NKAIN2: variants seen among roughly 807,000 people sequenced by gnomAD.
NKAIN2 encodes sodium/potassium-transporting ATPase subunit beta-1-interacting protein 2.
A neutral mutation model predicts 32.6 loss-of-function variants in NKAIN2; 14 were observed. The observed-to-expected ratio is 0.43, with a 90% CI of 0.28 to 0.67. NKAIN2 has a LOEUF of 0.67. NKAIN2 is among the 30% of genes least tolerant of loss of function. The probability of loss-of-function intolerance (pLI) is 0.17; values close to 1 mark genes in which losing one functional copy is unlikely to be tolerated. For missense variants in NKAIN2, 198 were observed against 258.3 expected (o/e 0.77, Z 1.60); for synonymous variants, 80 against 87.2 (o/e 0.92, Z 0.46).
At chr6:123,896,589 G>A (rs1208788888) in intron 1 of NKAIN2, among the ~76,000 whole-genome samples, 1 of 152,194 alleles carries the variant, frequency 6.6e-6, no homozygotes, top group African/African-American at 2.4e-5. Context: ...CAAGTTATAA[G>A]TTAAGGAAAT....
chr6:124,208,264 G>C (rs923669809), intron 1 of NKAIN2, among the ~76,000 whole-genome samples: 3 of 151,678 alleles, frequency 2.0e-5, no homozygotes, highest in African/African-American at 7.3e-5. Flanking sequence ...TAGTTGTGTG[G>C]GTCCAAGATT....
intron 2 of NKAIN2, among the ~76,000 whole-genome samples, chr6:124,327,564 C>G (rs1419536711): frequency 2.0e-5 from 3 of 152,082 alleles, no homozygotes; most frequent in African/African-American, 4.8e-5. Flanking sequence ...AGTCTTGTGT[C>G]TATTTACTCA....
intron 4 of NKAIN2, among the ~76,000 whole-genome samples, chr6:124,767,604 C>T (rs1264405034): frequency 1.3e-5 from 2 of 152,240 alleles, no homozygotes; most frequent in African/African-American, 4.8e-5. Flanking sequence ...TCTCCCTGGA[C>T]ATTTTGGGAC....
chr6:124,359,557 G>A (rs895939937), intron 3 of NKAIN2, among the ~76,000 whole-genome samples: 2 of 152,130 alleles, frequency 1.3e-5, no homozygotes, highest in East Asian at 1.9e-4. Flanking sequence ...GTTCACTCAT[G>A]ATTTGGCTCT....
chr6:124,267,991 T>C (rs1042712046), intron 1 of NKAIN2, among the ~76,000 whole-genome samples: 6 of 152,238 alleles, frequency 3.9e-5, no homozygotes, highest in Admixed American at 2.6e-4. Flanking sequence ...ATGTTATGCC[T>C]TTATGTAGTC....
At chr6:124,268,088 T>G (rs1289015119) in intron 1 of NKAIN2, among the ~76,000 whole-genome samples, 1 of 152,204 alleles carries the variant, frequency 6.6e-6, no homozygotes, top group African/African-American at 2.4e-5. Flanking sequence ...AATTAAATCA[T>G]GTAATAACAA....
At chr6:124,612,648 T>G (rs1180517948) in intron 3 of NKAIN2, among the ~76,000 whole-genome samples, 1 of 152,192 alleles carries the variant, frequency 6.6e-6, no homozygotes, top group Non-Finnish European at 1.5e-5. Flanking sequence ...GCACTTTCTT[T>G]GCCTATAAAA....
At chr6:124,054,738 C>T (rs566209267) in intron 1 of NKAIN2, among the ~76,000 whole-genome samples, 3 of 152,076 alleles carry the variant, frequency 2.0e-5, no homozygotes, top group Admixed American at 6.6e-5. Context: ...CACACACATA[C>T]ACCCCTAGGC....
intron 3 of NKAIN2, among the ~76,000 whole-genome samples, chr6:124,456,830 A>C (rs528373955): frequency 3.6e-4 from 55 of 151,948 alleles, no homozygotes; most frequent in African/African-American, 1.3e-3. Context: ...CATTATATTA[A>C]GAAATGCCCT....
intron 3 of NKAIN2, among the ~76,000 whole-genome samples, chr6:124,625,700 C>T (rs1783296439): frequency 8.1e-6 from 1 of 122,744 alleles, no homozygotes; most frequent in Non-Finnish European, 1.9e-5. Context: ...GCTGAAGATG[C>T]TTTATTTATT....
chr6:124,635,025 G>A (rs1783719034), intron 3 of NKAIN2, among the ~76,000 whole-genome samples: 1 of 150,908 alleles, frequency 6.6e-6, no homozygotes, highest in Non-Finnish European at 1.5e-5. Flanking sequence ...ACAAGGTAAG[G>A]AAAGGAAGAA....
chr6:124,243,264 G>C lies in NKAIN2; in HGVS notation c.55-39741G>C, dbSNP rs560386588. On this transcript the variant is annotated intron_variant, in intron 1 of 6. Transcript: ENST00000368417. ...AATCCCAGCACTTTGGGAGGCCCAG[G>C]CAGATGTAACACTTGAGGCCAGGAG... 2.6e-5 allele frequency among the ~76,000 whole-genome samples: 4 copies of C among 152,052 alleles called. No homozygotes were observed. In the East Asian group the frequency reaches 7.8e-4, roughly 30 times the overall value.
At chr6:124,623,482 GCATAGTTC>G (rs1783187761) in intron 3 of NKAIN2, among the ~76,000 whole-genome samples, 1 of 152,082 alleles carries the variant, frequency 6.6e-6, no homozygotes, top group Non-Finnish European at 1.5e-5. Flanking sequence ...AAAAGAAAAG[GCATAGTTC>G]CACAGATCTT....
At chr6:123,881,634 CA>C (rs1322601715) in intron 1 of NKAIN2, among the ~76,000 whole-genome samples, 1 of 151,946 alleles carries the variant, frequency 6.6e-6, no homozygotes, top group African/African-American at 2.4e-5. Flanking sequence ...TGTTTATGCC[CA>C]TTTTAAAATG....
At chr6:124,343,880 G>T (rs1354811202) in intron 2 of NKAIN2, among the ~76,000 whole-genome samples, 2 of 135,060 alleles carry the variant, frequency 1.5e-5, no homozygotes, top group Admixed American at 7.6e-5. Context: ...CATTGCTTTT[G>T]GTGTTTTAGA....
chr6:124,593,059 C>T (rs561944296), intron 3 of NKAIN2, among the ~76,000 whole-genome samples: 2 of 152,284 alleles, frequency 1.3e-5, no homozygotes, highest in Admixed American at 6.5e-5. Flanking sequence ...CTCTTTGAAA[C>T]TTCGGTTTCA....
Position 124,539,846 on chromosome 6 carries a change from G to A in NKAIN2, c.274-118340G>A, listed in dbSNP as rs559996669. 1.8e-4 allele frequency among the ~76,000 whole-genome samples: 27 copies of A among 152,094 alleles called. 1 individual carries two copies. In the South Asian group the frequency reaches 3.3e-3, roughly 19 times the overall value. On this transcript the variant is annotated intron_variant, in intron 3 of 6. Coordinates refer to ENST00000368417, the MANE Select transcript of NKAIN2 (RefSeq NM_001040214.3). ...AGCAATTCTCCTGCCTCAGCCTCCC[G>A]AGTAGCTGGGACTACAAGTGTATGC...
intron 5 of NKAIN2, among the ~76,000 whole-genome samples, chr6:124,815,225 C>CACATATATAT (rs376199421): frequency 2.9e-5 from 4 of 136,998 alleles, no homozygotes; most frequent in Admixed American, 1.5e-4. Context: ...TATATATATA[C>CACATATATAT]ATATATATAT....
intron 2 of NKAIN2, among the ~76,000 whole-genome samples, chr6:124,325,925 T>C (rs1797390793): frequency 6.6e-6 from 1 of 152,124 alleles, no homozygotes. Context: ...TTTTGATGAT[T>C]AATATGTGGA....
Sources: allele counts gnomAD v4.1 joint callset (sites outside exome capture counted in the v4.1 genomes callset), GRCh38; gene constraint gnomAD v4.1.1; transcripts MANE v1.5; gene names NCBI Gene and HGNC (gene_info 2026-07-23, HGNC 2026-07-21).